CADPS: variants seen among roughly 807,000 people sequenced by gnomAD.
CADPS encodes the protein calcium-dependent secretion activator 1.
CADPS carries 57 observed loss-of-function variants against 167.3 expected under a neutral mutation model. The observed-to-expected ratio is 0.34, with a 90% CI of 0.28 to 0.42. CADPS has a LOEUF of 0.42. Among genes scored for constraint, CADPS ranks in the 20% least tolerant of loss-of-function variants. The probability of loss-of-function intolerance (pLI) is 1.00; values close to 1 mark genes in which losing one functional copy is unlikely to be tolerated. For missense variants in CADPS, 1,414 were observed against 1,738.1 expected (o/e 0.81, Z 3.32); for synonymous variants, 676 against 635.3 (o/e 1.06, Z -0.96).
chr3:62,687,413 T>A (rs1006189582), intron 3 of CADPS, among the ~76,000 whole-genome samples: 10 of 152,032 alleles, frequency 6.6e-5, no homozygotes, highest in Admixed American at 2.0e-4. Flanking sequence ...ATAATTTCTA[T>A]CAACAGCCAG....
At chr3:62,810,019 A>C (rs2094319098) in intron 1 of CADPS, among the ~76,000 whole-genome samples, 1 of 152,164 alleles carries the variant, frequency 6.6e-6, no homozygotes, top group Admixed American at 6.5e-5. Flanking sequence ...ACTGGCCTGC[A>C]TATTTTCTGA....
chr3:62,844,058 C>T (rs1200434352), intron 1 of CADPS, among the ~76,000 whole-genome samples: 1 of 152,124 alleles, frequency 6.6e-6, no homozygotes, highest in African/African-American at 2.4e-5. Flanking sequence ...ATAGGCTTTT[C>T]TCTAGAGGAG....
chr3:62,694,646 C>A (rs530651963), intron 3 of CADPS, among the ~76,000 whole-genome samples: 1 of 152,166 alleles, frequency 6.6e-6, no homozygotes, highest in African/African-American at 2.4e-5. Flanking sequence ...AATGCCTGAT[C>A]CACTGACAAA....
At chr3:62,856,537 T>C (rs965424930) in intron 1 of CADPS, among the ~76,000 whole-genome samples, 1 of 152,020 alleles carries the variant, frequency 6.6e-6, no homozygotes, top group Non-Finnish European at 1.5e-5. Context: ...AGAAGAGTCA[T>C]GGATATTCTG....
intron 1 of CADPS, among the ~76,000 whole-genome samples, chr3:62,832,737 A>G (rs1191588008): frequency 1.3e-5 from 2 of 152,350 alleles, no homozygotes; most frequent in East Asian, 3.9e-4. Context: ...ATAGATCCTA[A>G]ATGTAAGAAC....
At chr3:62,835,642 C>A (rs1173098863) in intron 1 of CADPS, among the ~76,000 whole-genome samples, 3 of 152,094 alleles carry the variant, frequency 2.0e-5, no homozygotes, top group Non-Finnish European at 4.4e-5. Context: ...ACATGAACCT[C>A]AAAGAGGGGA....
At chr3:62,498,257 A>G in intron 18 of CADPS, 1 of 447,570 alleles carries the variant, frequency 2.2e-6, no homozygotes, top group South Asian at 1.6e-5. Context: ...ATGGCGTATT[A>G]TATATTATTT....
intron 2 of CADPS, among the ~76,000 whole-genome samples, chr3:62,755,635 G>A (rs769948660): frequency 7.9e-5 from 12 of 152,140 alleles, no homozygotes; most frequent in Admixed American, 1.3e-4. Context: ...CCGGTTTATT[G>A]TTGACTTTAA....
intron 3 of CADPS, among the ~76,000 whole-genome samples, chr3:62,736,290 T>C (rs780884115): frequency 6.6e-6 from 1 of 152,192 alleles, no homozygotes; most frequent in Non-Finnish European, 1.5e-5. Flanking sequence ...AAGAGAAAGA[T>C]ACTGCACGAC....
chr3:62,707,130 G>T (rs1008821011), intron 3 of CADPS, among the ~76,000 whole-genome samples: 9 of 152,040 alleles, frequency 5.9e-5, no homozygotes, highest in African/African-American at 2.2e-4. Flanking sequence ...GTTAGAAACC[G>T]GGCTGCAGCA....
intron 3 of CADPS, among the ~76,000 whole-genome samples, chr3:62,719,254 C>T (rs1206092749): frequency 6.6e-6 from 1 of 152,184 alleles, no homozygotes; most frequent in Non-Finnish European, 1.5e-5. Context: ...TCTTTCAACC[C>T]CTGTGACATC....
chr3:62,414,120 C>G lies in CADPS; in HGVS notation c.3778-10935G>C, dbSNP rs2049531414. Reference sequence around the variant, plus strand: ...ATTAAATGAAGCCCAGAGATGAGAACTGAGAATCCTCATAGAGGACTGGAT... The same window carrying G: ...ATTAAATGAAGCCCAGAGATGAGAAGTGAGAATCCTCATAGAGGACTGGAT... On this transcript the variant is annotated intron_variant, in intron 28 of 29. Coordinates refer to ENST00000383710, the MANE Select transcript of CADPS (RefSeq NM_003716.4). 2.0e-5 allele frequency among the ~76,000 whole-genome samples: 3 copies of G among 152,216 alleles called. No homozygotes were observed. The South Asian group carries it at 6.2e-4, about 31-fold the overall frequency.
chr3:62,774,125 G>A (rs1213298863), intron 1 of CADPS, among the ~76,000 whole-genome samples: 1 of 151,954 alleles, frequency 6.6e-6, no homozygotes, highest in Non-Finnish European at 1.5e-5. Flanking sequence ...GGTGAGTTGG[G>A]GCTAAAGATT....
chr3:62,808,265 C>T (rs1223646769), intron 1 of CADPS, among the ~76,000 whole-genome samples: 1 of 101,796 alleles, frequency 9.8e-6, no homozygotes, highest in Non-Finnish European at 2.1e-5. Flanking sequence ...GATTGCTAGC[C>T]TTATGAGAAA....
intron 17 of CADPS, among the ~76,000 whole-genome samples, chr3:62,506,358 A>G (rs1347729314): frequency 6.6e-6 from 1 of 152,236 alleles, no homozygotes; most frequent in Non-Finnish European, 1.5e-5. Context: ...ACTGCACTCC[A>G]GCCTGGGTGA....
At chr3:62,733,383 A>G (rs1469397208) in intron 3 of CADPS, among the ~76,000 whole-genome samples, 1 of 152,008 alleles carries the variant, frequency 6.6e-6, no homozygotes, top group South Asian at 2.1e-4. Context: ...TAATGTTTTC[A>G]TTTTGTTTTA....
intron 6 of CADPS, among the ~76,000 whole-genome samples, chr3:62,624,327 A>G (rs936037545): frequency 6.6e-6 from 1 of 152,048 alleles, no homozygotes; most frequent in East Asian, 1.9e-4. Context: ...TCTTCTCCTC[A>G]TTCCCATCCC....
chr3:62,596,088 TACACACACACACACACACACACACACAC>T (rs56780830), intron 6 of CADPS, among the ~76,000 whole-genome samples: 15 of 135,974 alleles, frequency 1.1e-4, no homozygotes, highest in East Asian at 2.1e-4. Flanking sequence ...TATATATGTA[TACACACACACACACACACACACACACAC>T]ACACACACAC....
chr3:62,846,945 G>A (rs760849788), intron 1 of CADPS, among the ~76,000 whole-genome samples: 3 of 152,196 alleles, frequency 2.0e-5, no homozygotes, highest in Admixed American at 6.5e-5. Context: ...TGGGATTACA[G>A]GCATGAGCCA....
Sources: allele counts gnomAD v4.1 joint callset (sites outside exome capture counted in the v4.1 genomes callset), GRCh38; gene constraint gnomAD v4.1.1; transcripts MANE v1.5; gene names NCBI Gene and HGNC (gene_info 2026-07-23, HGNC 2026-07-21).